The following LINGO2 variants were observed in gnomAD, a reference collection of about 807,000 sequenced individuals.
LINGO2 encodes the protein leucine rich repeat and Ig domain containing 2.
LINGO2 carries 14 observed loss-of-function variants against 30.6 expected under a neutral mutation model. The observed-to-expected ratio is 0.46, with a 90% CI of 0.30 to 0.72. The LOEUF (loss-of-function observed/expected upper bound fraction) is 0.72. Among genes scored for constraint, LINGO2 ranks in the 30% least tolerant of loss-of-function variants. The probability of loss-of-function intolerance (pLI) is 0.07; values close to 1 mark genes in which losing one functional copy is unlikely to be tolerated. For missense variants in LINGO2, 729 were observed against 751.7 expected (o/e 0.97, Z 0.35); for synonymous variants, 317 against 288.5 (o/e 1.10, Z -1.00).
chr9:28,855,274 C>A, the LINGO2 span, among the ~76,000 whole-genome samples: 1 of 151,974 alleles, frequency 6.6e-6, no homozygotes, highest in African/African-American at 2.4e-5. Flanking sequence ...GGGTGGAAGG[C>A]AGTCCTTAGG....
At chr9:28,702,013 T>G in the LINGO2 span, among the ~76,000 whole-genome samples, 1 of 151,912 alleles carries the variant, frequency 6.6e-6, no homozygotes, top group Non-Finnish European at 1.5e-5. Flanking sequence ...TCCAGGACTT[T>G]GTTGTTGTTG....
chr9:28,077,035 T>C (rs1309078385), intron 4 of LINGO2, among the ~76,000 whole-genome samples: 1 of 152,162 alleles, frequency 6.6e-6, no homozygotes, highest in Non-Finnish European at 1.5e-5. Context: ...TACCAACATT[T>C]TGACGTGACT....
At chr9:27,991,622 A>C (rs1821403084) in intron 5 of LINGO2, among the ~76,000 whole-genome samples, 1 of 152,092 alleles carries the variant, frequency 6.6e-6, no homozygotes, top group South Asian at 2.1e-4. Context: ...GGCAACTTCA[A>C]ACACATAGGA....
intron 4 of LINGO2, among the ~76,000 whole-genome samples, chr9:28,211,277 C>T (rs1017661008): frequency 5.3e-5 from 8 of 150,250 alleles, no homozygotes; most frequent in African/African-American, 2.0e-4. Context: ...ACCAAGAAAA[C>T]TCCAAATTCC....
the LINGO2 span, among the ~76,000 whole-genome samples, chr9:29,008,780 T>G: frequency 3.3e-5 from 5 of 151,982 alleles, no homozygotes; most frequent in African/African-American, 1.2e-4. Context: ...GGTTGTTTGA[T>G]TTTTTTCTTG....
chr9:28,698,084 A>G, the LINGO2 span, among the ~76,000 whole-genome samples: 17 of 152,082 alleles, frequency 1.1e-4, no homozygotes, highest in Admixed American at 1.0e-3. Context: ...TCATAAGCTG[A>G]TATTGGCAAT....
intron 1 of LINGO2, among the ~76,000 whole-genome samples, chr9:28,565,428 C>A (rs1823322851): frequency 6.7e-6 from 1 of 150,084 alleles, no homozygotes; most frequent in South Asian, 2.1e-4. Flanking sequence ...CTCGTGATAC[C>A]CCTGCCTCAG....
intron 2 of LINGO2, among the ~76,000 whole-genome samples, chr9:28,377,380 C>T (rs972844323): frequency 6.6e-6 from 1 of 152,124 alleles, no homozygotes; most frequent in Non-Finnish European, 1.5e-5. Flanking sequence ...CACCTTCTTT[C>T]CTGCAGTTTA....
chr9:28,408,434 A>G (rs1822601243), intron 2 of LINGO2, among the ~76,000 whole-genome samples: 1 of 152,116 alleles, frequency 6.6e-6, no homozygotes, highest in South Asian at 2.1e-4. Flanking sequence ...CAGGGAACTC[A>G]GGACCAGGGA....
the LINGO2 span, among the ~76,000 whole-genome samples, chr9:29,047,901 T>A: frequency 6.6e-6 from 1 of 150,628 alleles, no homozygotes; most frequent in Admixed American, 6.7e-5. Context: ...AAGAGGAGTT[T>A]GAGACCAGCC....
chr9:28,004,542 A>C (rs1259648076), intron 5 of LINGO2, among the ~76,000 whole-genome samples: 1 of 152,222 alleles, frequency 6.6e-6, no homozygotes, highest in Non-Finnish European at 1.5e-5. Flanking sequence ...TAGTGTATTT[A>C]TCAATTAACT....
At chr9:28,476,196 T>C (rs1825720005) in intron 1 of LINGO2, among the ~76,000 whole-genome samples, 171 bp from the exon 4 acceptor site, 1 of 152,208 alleles carries the variant, frequency 6.6e-6, no homozygotes. Flanking sequence ...TGGTTTTCCA[T>C]TTTGAAGTTA....
At chr9:28,026,571 A>T (rs1406225256) in intron 4 of LINGO2, among the ~76,000 whole-genome samples, 1 of 152,118 alleles carries the variant, frequency 6.6e-6, no homozygotes, top group African/African-American at 2.4e-5. Flanking sequence ...TACCATGGGG[A>T]CCCCAAGTTA....
At chr9:28,210,095 A>G (rs890767570) in intron 4 of LINGO2, among the ~76,000 whole-genome samples, 1 of 151,768 alleles carries the variant, frequency 6.6e-6, no homozygotes, top group Admixed American at 6.6e-5. Flanking sequence ...TCTTTCTGCC[A>G]TGAGTAATTC....
chr9:28,902,642 A>G, the LINGO2 span, among the ~76,000 whole-genome samples: 4 of 152,148 alleles, frequency 2.6e-5, no homozygotes, highest in Non-Finnish European at 4.4e-5. Context: ...GGGACAGAAA[A>G]TAAGTCTTAA....
chr9:28,202,031 C>A (rs1463074661), intron 4 of LINGO2, among the ~76,000 whole-genome samples: 1 of 152,118 alleles, frequency 6.6e-6, no homozygotes, highest in Admixed American at 6.5e-5. Flanking sequence ...TGCTGGCAAT[C>A]TTTGGTGTTC....
At chr9:28,719,255 T>C in the LINGO2 span, among the ~76,000 whole-genome samples, 4 of 152,028 alleles carry the variant, frequency 2.6e-5, no homozygotes, top group Non-Finnish European at 5.9e-5. Context: ...CTCTTAGCTC[T>C]TTCTCTTCCA....
Position 28,054,170 on chromosome 9 carries a change from TTTA to T in LINGO2, c.-86-41768_-86-41766del, listed in dbSNP as rs545124602. On this transcript the variant is annotated intron_variant, in intron 4 of 5. Transcript: ENST00000379992. ...TATTGGGACCTTAGCCTGTTGTACA[TTTA>T]TTATAAGGCATTAGGAGAAATCTTA... Among the ~76,000 whole-genome samples, 121 of 152,182 alleles carry T rather than the reference TTTA, an allele frequency of 8.0e-4. 1 individual carries two copies. The highest frequency in any genetic ancestry group is 2.9e-3 in the African/African-American group (120 of 41,532).
At chr9:29,149,935 A>T in the LINGO2 span, among the ~76,000 whole-genome samples, 1 of 152,128 alleles carries the variant, frequency 6.6e-6, no homozygotes, top group Non-Finnish European at 1.5e-5. Flanking sequence ...GCCCTCCTAA[A>T]GCCACTGTCT....
Sources: allele counts gnomAD v4.1 joint callset (sites outside exome capture counted in the v4.1 genomes callset), GRCh38; gene constraint gnomAD v4.1.1; transcripts MANE v1.5; gene names NCBI Gene and HGNC (gene_info 2026-07-23, HGNC 2026-07-21).